Variants in MAST2 observed in about 807,000 individuals in gnomAD.
MAST2 encodes the protein microtubule associated serine/threonine kinase 2.
A neutral mutation model predicts 147.4 loss-of-function variants in MAST2; 70 were observed. The ratio of observed to expected loss-of-function variants is 0.47; its 90% CI spans 0.39 to 0.58. The LOEUF (loss-of-function observed/expected upper bound fraction) is 0.58. Ranked by LOEUF, MAST2 falls within the 20% of genes least tolerant of loss-of-function variation. The pLI, the probability that MAST2 is intolerant of heterozygous loss-of-function variation, is 0.00. For synonymous variants in MAST2, 869 were observed against 896.8 expected (o/e 0.97, Z 0.55); for missense variants, 2,080 against 2,302.3 (o/e 0.90, Z 1.98).
chr1:45,873,052 C>T (rs1483907569), intron 3 of MAST2, among the ~76,000 whole-genome samples: 3 of 151,934 alleles, frequency 2.0e-5, no homozygotes, highest in Non-Finnish European at 2.9e-5. Flanking sequence ...AAACAATATA[C>T]CTTGAATATT....
intron 5 of MAST2, among the ~76,000 whole-genome samples, chr1:45,981,733 A>G (rs897622450): frequency 2.6e-5 from 4 of 152,034 alleles, no homozygotes; most frequent in African/African-American, 7.2e-5. Flanking sequence ...GATTTCTTTC[A>G]TTGTCATAAT....
intron 3 of MAST2, among the ~76,000 whole-genome samples, chr1:45,868,346 T>A (rs936424079): frequency 6.6e-6 from 1 of 152,236 alleles, no homozygotes; most frequent in African/African-American, 2.4e-5. Context: ...ATAAGCAAAT[T>A]TTTGTTATCA....
At chr1:45,892,489 G>T (rs76730547) in intron 4 of MAST2, among the ~76,000 whole-genome samples, 3,738 of 152,170 alleles carry the variant, frequency 0.025, 161 homozygotes, top group African/African-American at 0.086. Context: ...CATTTCACTG[G>T]ATCTTACGTT....
At chr1:46,010,172 T>G (rs1218059154) in intron 9 of MAST2, among the ~76,000 whole-genome samples, 1 of 152,092 alleles carries the variant, frequency 6.6e-6, no homozygotes, top group African/African-American at 2.4e-5. Context: ...TAAATGAAAC[T>G]CTCTCTCACT....
intron 4 of MAST2, among the ~76,000 whole-genome samples, chr1:45,955,911 G>A (rs1659590011): frequency 6.6e-6 from 1 of 152,138 alleles, no homozygotes; most frequent in African/African-American, 2.4e-5. Context: ...TAGTTTTATT[G>A]AGGTATGATT....
At chr1:45,965,404 G>A (rs1321805087) in intron 5 of MAST2, among the ~76,000 whole-genome samples, 3 of 152,158 alleles carry the variant, frequency 2.0e-5, no homozygotes, top group Non-Finnish European at 4.4e-5. Context: ...GAATCTGGGT[G>A]CTCCTGTATT....
chr1:45,871,454 AC>A (rs1318896326), intron 3 of MAST2, among the ~76,000 whole-genome samples: 1 of 152,186 alleles, frequency 6.6e-6, no homozygotes, highest in Non-Finnish European at 1.5e-5. Flanking sequence ...ACCAGAGGTG[AC>A]CCAGTTTACC....
intron 5 of MAST2, among the ~76,000 whole-genome samples, chr1:45,993,542 G>T (rs1005754908): frequency 6.6e-6 from 1 of 152,004 alleles, no homozygotes; most frequent in African/African-American, 2.4e-5. Context: ...AAATTAGCCA[G>T]GCATGGTGGC....
At chr1:45,997,192 G>T (rs565597327) in intron 5 of MAST2, among the ~76,000 whole-genome samples, 1 of 152,236 alleles carries the variant, frequency 6.6e-6, no homozygotes, top group East Asian at 1.9e-4. Flanking sequence ...TAGACTTGGG[G>T]GCCTTGATTA....
intron 4 of MAST2, among the ~76,000 whole-genome samples, chr1:45,933,063 T>TAAA (rs61544126): frequency 0.014 from 1,246 of 88,214 alleles, 25 homozygotes; most frequent in South Asian, 0.045. Context: ...CCCATTTCTT[T>TAAA]AAAAAAAAAA....
chr1:46,011,878 T>C (rs1266256544), intron 10 of MAST2, among the ~76,000 whole-genome samples: 1 of 152,234 alleles, frequency 6.6e-6, no homozygotes, highest in African/African-American at 2.4e-5. Context: ...ATGATCATGA[T>C]TATTGTTGTC....
intron 19 of MAST2, 99 bp from the exon 20 acceptor site, chr1:46,029,726 ATCCCCT>A: frequency 6.9e-7 from 1 of 1,448,220 alleles, no homozygotes. Flanking sequence ...GCTTGAGCTG[ATCCCCT>A]AGGTATAGCT....
At chr1:45,922,106 A>G (rs1274535101) in intron 4 of MAST2, among the ~76,000 whole-genome samples, 1 of 152,110 alleles carries the variant, frequency 6.6e-6, no homozygotes, top group East Asian at 1.9e-4. Context: ...AGGTGGTCCC[A>G]TTATCTCCCT....
intron 5 of MAST2, among the ~76,000 whole-genome samples, chr1:45,965,819 A>G (rs1007158749): frequency 3.5e-4 from 54 of 152,162 alleles, no homozygotes; most frequent in African/African-American, 1.2e-3. Context: ...ACCTATATAT[A>G]GGCTCCCCAT....
Position 45,804,187 on chromosome 1 carries a change from G to C in MAST2, c.177+115G>C, listed in dbSNP as rs113721451. On this transcript the variant is annotated intron_variant, in intron 1 of 28. Transcript: ENST00000361297. Reference sequence around the variant, plus strand: ...GAGGGGTGGGGTCTGAGTAGTTCGCGGGGAGGAGTGGGAGGTCTGGGGAGG... The same window carrying C: ...GAGGGGTGGGGTCTGAGTAGTTCGCCGGGAGGAGTGGGAGGTCTGGGGAGG... 4.2e-4 allele frequency: 506 copies of C among 1,201,398 alleles called. 2 individuals are homozygous for C. The African/African-American group carries it at 6.6e-3, about 16-fold the overall frequency. 74.4% of individuals were successfully genotyped at this position (1,201,398 alleles called of 1,614,324 possible).
At chr1:45,812,452 G>T (rs891170474) in intron 1 of MAST2, among the ~76,000 whole-genome samples, 9 of 146,410 alleles carry the variant, frequency 6.1e-5, no homozygotes, top group Non-Finnish European at 1.2e-4. Context: ...TTTTTAGACG[G>T]AGTCTCGCAC....
intron 4 of MAST2, among the ~76,000 whole-genome samples, chr1:45,888,608 C>G (rs1051963236): frequency 6.0e-5 from 9 of 150,844 alleles, no homozygotes; most frequent in Non-Finnish European, 5.9e-5. Context: ...GTGATCCACC[C>G]ACCTCGGCCT....
At chr1:45,998,431 A>T (rs933606868) in intron 6 of MAST2, among the ~76,000 whole-genome samples, 5 of 152,258 alleles carry the variant, frequency 3.3e-5, no homozygotes, top group African/African-American at 1.2e-4. Context: ...AGCAACGCTG[A>T]CAGCTCTGCC....
chr1:45,905,415 G>T (rs1431492517), intron 4 of MAST2, among the ~76,000 whole-genome samples: 1 of 152,036 alleles, frequency 6.6e-6, no homozygotes, highest in Admixed American at 6.6e-5. Context: ...TCGAACTCCT[G>T]ACTTCAAGTG....
Sources: allele counts gnomAD v4.1 joint callset (sites outside exome capture counted in the v4.1 genomes callset), GRCh38; gene constraint gnomAD v4.1.1; transcripts MANE v1.5; gene names NCBI Gene and HGNC (gene_info 2026-07-23, HGNC 2026-07-21).